Variants in MOXD1 observed in about 807,000 individuals in gnomAD.
The protein encoded by MOXD1 is DBH-like monooxygenase protein 1.
A neutral mutation model predicts 66.6 loss-of-function variants in MOXD1; 62 were observed. That is an observed-to-expected ratio of 0.93 (90% CI 0.76 to 1.15). The LOEUF (loss-of-function observed/expected upper bound fraction) is 1.15. MOXD1 is among the 50% of genes most tolerant of loss of function. MOXD1 has a pLI of 0.00. For missense variants in MOXD1, 847 were observed against 754.6 expected (o/e 1.12, Z -1.44); for synonymous variants, 303 against 281.9 (o/e 1.07, Z -0.75).
intron 4 of MOXD1, among the ~76,000 whole-genome samples, chr6:132,342,527 T>G (rs1373730876): frequency 6.6e-6 from 1 of 152,220 alleles, no homozygotes; most frequent in South Asian, 2.1e-4. Flanking sequence ...TGACTTTTTT[T>G]AAAGCCTTTG....
At chr6:132,335,345 C>T (rs1775415929) in intron 4 of MOXD1, among the ~76,000 whole-genome samples, 1 of 151,912 alleles carries the variant, frequency 6.6e-6, no homozygotes, top group South Asian at 2.1e-4. Context: ...TCATGTTTAC[C>T]TTGAACCTCA....
intron 1 of MOXD1, among the ~76,000 whole-genome samples, chr6:132,377,818 T>G (rs954651847): frequency 6.6e-6 from 1 of 152,170 alleles, no homozygotes; most frequent in Admixed American, 6.5e-5. Flanking sequence ...CTAACCACCA[T>G]GGTAATTCCA....
At chr6:132,364,121 T>C (rs1776070078) in intron 4 of MOXD1, among the ~76,000 whole-genome samples, 1 of 152,188 alleles carries the variant, frequency 6.6e-6, no homozygotes, top group African/African-American at 2.4e-5. Context: ...GGAAGACTAA[T>C]GGGTGACTTA....
At chr6:132,349,361 C>A (rs1202505685) in intron 4 of MOXD1, among the ~76,000 whole-genome samples, 1 of 88,040 alleles carries the variant, frequency 1.1e-5, no homozygotes, top group Non-Finnish European at 2.0e-5. Context: ...AGATATATTC[C>A]ATCATATATA....
At chr6:132,392,194 C>G in intron 1 of MOXD1, 2 of 1,582,848 alleles carry the variant, frequency 1.3e-6, no homozygotes, top group South Asian at 2.3e-5. Context: ...TCTGTGATTT[C>G]AAATCAGTTC....
chr6:132,306,800 A>G (rs1774702813), intron 10 of MOXD1, among the ~76,000 whole-genome samples: 1 of 152,226 alleles, frequency 6.6e-6, no homozygotes. Flanking sequence ...TCCTTTTCAG[A>G]CAAGCAAATG....
chr6:132,386,419 AAAACAAAACAAAAC>A (rs1421713512), intron 1 of MOXD1, among the ~76,000 whole-genome samples: 2 of 145,528 alleles, frequency 1.4e-5, no homozygotes, highest in African/African-American at 5.2e-5. Context: ...AAAACAAAAC[AAAACAAAACAAAAC>A]AAAAAAAAAA....
chr6:132,375,173 G>T, intron 1 of MOXD1: 1 of 232,274 alleles, frequency 4.3e-6, no homozygotes, highest in South Asian at 1.2e-4. Context: ...CAGCCCTAAG[G>T]TCATCACTCT....
At chr6:132,313,067 T>C (rs1239411004) in intron 10 of MOXD1, among the ~76,000 whole-genome samples, 1 of 42,182 alleles carries the variant, frequency 2.4e-5, no homozygotes, top group Non-Finnish European at 3.5e-5. Context: ...TTTGTTGTTT[T>C]AATTTGTTTA....
At chr6:132,348,919 C>T (rs529548986) in intron 4 of MOXD1, among the ~76,000 whole-genome samples, 1 of 152,280 alleles carries the variant, frequency 6.6e-6, no homozygotes, top group South Asian at 2.1e-4. Context: ...CCAAGTCTTT[C>T]ATCTTCTACC....
rs1416652531 is a variant in MOXD1 at position 132,349,396 on chromosome 6, CATATATAT to C, written c.664-20810_664-20803del. On this transcript the variant is annotated intron_variant, in intron 4 of 11. Transcript: ENST00000367963. ...ATATATACATGTATATATATATACACATATATATACATATATATATATATACATATATA... is the reference window on the plus strand; with the variant it reads ...ATATATACATGTATATATATATACACACATATATATATATATACATATATA... Among the ~76,000 whole-genome samples the C allele has an allele frequency of 5.5e-3, 229 of 41,344 alleles. 19 individuals carry two copies. Among genetic ancestry groups the C allele is most frequent in the Admixed American group, 0.011 (27 of 2,514 alleles). The allele number at this position is 41,344 out of a possible 152,430, so 27.1% of individuals were successfully genotyped here. A position where few individuals can be genotyped will look rare whatever the true frequency, so the allele number is the denominator to read the frequency against.
intron 4 of MOXD1, among the ~76,000 whole-genome samples, chr6:132,331,421 T>A (rs768443093): frequency 3.3e-5 from 5 of 151,872 alleles, no homozygotes; most frequent in African/African-American, 1.2e-4. Context: ...GAGTGAAGGG[T>A]GTGTGATGCT....
chr6:132,392,511 T>C (rs55779505), intron 1 of MOXD1, among the ~76,000 whole-genome samples: 26,669 of 152,074 alleles, frequency 0.18, 2,462 homozygotes, highest in Middle Eastern at 0.23. Context: ...GGGGTGGAGT[T>C]GCTCTGTGTC....
intron 4 of MOXD1, among the ~76,000 whole-genome samples, chr6:132,344,856 C>T (rs1334999342): frequency 1.3e-5 from 2 of 152,212 alleles, no homozygotes; most frequent in African/African-American, 4.8e-5. Context: ...TCACTCTCTG[C>T]TGAAAGCTGT....
At position 132,365,247 on chromosome 6, in the gene MOXD1, G is replaced by C. The variant is rs1776095449; in HGVS notation, c.663+7361C>G. ...CATTCTGGATTCTCCTGGGGATTCT[G>C]GGGCACTTTGGCATGCTCTAGAAAG... On this transcript the variant is annotated intron_variant, in intron 4 of 11. Coordinates refer to ENST00000367963, the MANE Select transcript of MOXD1 (RefSeq NM_015529.4). Among the ~76,000 whole-genome samples the C allele has an allele frequency of 1.3e-5, 2 of 152,092 alleles. 1 individual carries two copies. Among genetic ancestry groups the C allele is most frequent in the South Asian group, 4.1e-4 (2 of 4,830 alleles).
At chr6:132,333,937 G>A (rs1775383438) in intron 4 of MOXD1, among the ~76,000 whole-genome samples, 1 of 152,192 alleles carries the variant, frequency 6.6e-6, no homozygotes, top group South Asian at 2.1e-4. Context: ...TCAAGTAACG[G>A]GAGCTTTCAG....
At chr6:132,378,070 T>C (rs990039280) in intron 1 of MOXD1, among the ~76,000 whole-genome samples, 6 of 151,942 alleles carry the variant, frequency 3.9e-5, no homozygotes, top group African/African-American at 1.2e-4. Flanking sequence ...GAGGCGGAGG[T>C]TGCAGTGAAC....
chr6:132,372,325 A>G (rs994094770), intron 4 of MOXD1, among the ~76,000 whole-genome samples: 12 of 152,166 alleles, frequency 7.9e-5, no homozygotes, highest in Non-Finnish European at 2.9e-5. Context: ...AGTAATTCCA[A>G]TTGTAGAAAT....
At chr6:132,383,388 T>C (rs1776549540) in intron 1 of MOXD1, among the ~76,000 whole-genome samples, 1 of 152,196 alleles carries the variant, frequency 6.6e-6, no homozygotes, top group African/African-American at 2.4e-5. Context: ...ACTTACCTTT[T>C]AGAAACCACT....
Sources: gnomAD v4.1 joint callset for allele counts (sites outside exome capture counted in the v4.1 genomes callset) on GRCh38, gnomAD v4.1.1 for gene constraint, MANE v1.5 for transcripts, NCBI Gene and HGNC (gene_info 2026-07-23, HGNC 2026-07-21) for gene names.